The following PFKFB2 variants were observed in gnomAD, a reference collection of about 807,000 sequenced individuals.
PFKFB2 encodes 6-phosphofructo-2-kinase/fructose-2,6-bisphosphatase 2.
Under a neutral mutation model 68.0 loss-of-function variants are expected in PFKFB2, and 53 were observed. That is an observed-to-expected ratio of 0.78 (90% CI 0.63 to 0.98). The LOEUF (loss-of-function observed/expected upper bound fraction) is 0.98. PFKFB2 is among the 50% of genes least tolerant of loss of function. PFKFB2 has a pLI of 0.00. For synonymous variants in PFKFB2, 222 were observed against 227.6 expected (o/e 0.98, Z 0.22); for missense variants, 451 against 642.0 (o/e 0.70, Z 3.22).
At chr1:207,066,885 C>T (rs1683304198) in intron 8 of PFKFB2, among the ~76,000 whole-genome samples, 1 of 152,190 alleles carries the variant, frequency 6.6e-6, no homozygotes, top group African/African-American at 2.4e-5. Context: ...AACTCCTGAT[C>T]TCCTGATCTA....
Position 207,063,954 on chromosome 1 carries a change from T to C in PFKFB2, c.507+125T>C. 1.3e-6 allele frequency: 1 copy of C among 742,312 alleles called. No individual in the cohort carries two copies. The highest frequency in any genetic ancestry group is 2.4e-6 in the Non-Finnish European group (1 of 414,136). The allele number at this position is 742,312 out of a possible 1,614,324, so 46.0% of individuals were successfully genotyped here. A position where few individuals can be genotyped will look rare whatever the true frequency, so the allele number is the denominator to read the frequency against. ...GTGTTTTCGTAATGAAAGAGAGAAA[T>C]AGACATGTTTAACATCACAAAGAGA... On this transcript the variant is annotated intron_variant, in intron 7 of 14. Coordinates refer to ENST00000367080, the MANE Select transcript of PFKFB2 (RefSeq NM_006212.2). The surrounding 1 kb of genome is among the most constrained non-coding windows in gnomAD (Gnocchi z 4.1).
In PFKFB2 at chr1:207,076,033, G is replaced by A. The variant is rs1683613137; in HGVS notation, c.*3662G>A. The A allele has an allele frequency of 1.0e-6, 1 of 985,244 alleles. No homozygotes were observed. The highest frequency in any genetic ancestry group is 1.1e-4 in the East Asian group (1 of 8,818). 61.0% of individuals were successfully genotyped at this position (985,244 alleles called of 1,614,324 possible). ...GGATCTGCCCTATATCTTTGCCTCT[G>A]GTGTTTCGTTGTTGTTGTTATTGTT... On this transcript the variant is annotated 3_prime_UTR_variant, in exon 15 of 15. Coordinates refer to ENST00000367080, the MANE Select transcript of PFKFB2 (RefSeq NM_006212.2).
chr1:207,061,612 G>T (rs1683119072), intron 2 of PFKFB2, among the ~76,000 whole-genome samples: 1 of 152,112 alleles, frequency 6.6e-6, no homozygotes. Context: ...AGCGGGGCTG[G>T]GCGCCTCACG....
At chr1:207,071,300 G>T in intron 13 of PFKFB2, 50 bp downstream of exon 13, 1 of 1,486,998 alleles carries the variant, frequency 6.7e-7, no homozygotes, top group South Asian at 1.1e-5. Context: ...AGGAAGGTCA[G>T]AATTTTCTCT....
intron 7 of PFKFB2, among the ~76,000 whole-genome samples, chr1:207,064,398 C>T (rs1047284554): frequency 1.3e-4 from 20 of 149,980 alleles, no homozygotes; most frequent in African/African-American, 4.7e-4. Context: ...AGAGTGAGAA[C>T]ATGTCTCAAA....
chr1:207,052,707 G>C (rs1304525150), upstream of PFKFB2, among the ~76,000 whole-genome samples: 1 of 150,202 alleles, frequency 6.7e-6, no homozygotes, highest in Non-Finnish European at 1.5e-5. Flanking sequence ...GGGGTGTATG[G>C]GTGGGTCCAG....
At chr1:207,049,938 T>A (rs770678312), upstream of PFKFB2, among the ~76,000 whole-genome samples, 1 of 152,208 alleles carries the variant, frequency 6.6e-6, no homozygotes, top group African/African-American at 2.4e-5. Flanking sequence ...TGAGGTTGCA[T>A]CCCAATTTAG....
upstream of PFKFB2, among the ~76,000 whole-genome samples, chr1:207,050,486 C>A (rs1344701684): frequency 6.6e-6 from 1 of 152,196 alleles, no homozygotes. Flanking sequence ...GGTTCCCTTT[C>A]AACCCTGTGT....
intron 11 of PFKFB2, 52 bp downstream of exon 11, chr1:207,069,580 T>A: frequency 1.7e-6 from 2 of 1,150,246 alleles, no homozygotes; most frequent in Non-Finnish European, 2.6e-6. Context: ...GCTGAGTGTT[T>A]AACTTTAATT....
intron 1 of PFKFB2, among the ~76,000 whole-genome samples, chr1:207,054,441 G>A (rs902004476): frequency 2.0e-5 from 3 of 152,180 alleles, no homozygotes; most frequent in African/African-American, 7.2e-5. Context: ...CAAGATTATT[G>A]TTAGGACTGA....
chr1:207,062,863 G>T (rs573437545), intron 4 of PFKFB2, 147 bp downstream of exon 4: 3 of 816,630 alleles, frequency 3.7e-6, no homozygotes, highest in South Asian at 1.7e-5. Flanking sequence ...CCTTGGGCTT[G>T]GGTGGTCAGA....
chr1:207,059,518 G>A (rs554619412), intron 2 of PFKFB2, among the ~76,000 whole-genome samples: 1 of 152,284 alleles, frequency 6.6e-6, no homozygotes, highest in Non-Finnish European at 1.5e-5. Context: ...TGAGGCTTCA[G>A]GGTACAGTTT....
At chr1:207,055,641 TTATATA>T (rs34590725) in intron 2 of PFKFB2, among the ~76,000 whole-genome samples, 4 of 147,658 alleles carry the variant, frequency 2.7e-5, no homozygotes, top group Non-Finnish European at 6.0e-5. Context: ...ACTTCAGTGG[TTATATA>T]TATATATATA....
chr1:207,079,287 G>A (rs565206420), downstream of PFKFB2: 58 of 539,898 alleles, frequency 1.1e-4, no homozygotes, highest in Non-Finnish European at 1.7e-4. Context: ...GCTGAGTTTG[G>A]TCCAAGTTGG....
chr1:207,079,491 G>A (rs1397708413), downstream of PFKFB2: 1 of 154,336 alleles, frequency 6.5e-6, no homozygotes, highest in Non-Finnish European at 1.4e-5. Context: ...GTTACCATTT[G>A]CCACATTGGA....
intron 2 of PFKFB2, among the ~76,000 whole-genome samples, chr1:207,043,598 C>T (rs565593806): frequency 6.6e-6 from 1 of 152,152 alleles, no homozygotes; most frequent in African/African-American, 2.4e-5. Flanking sequence ...TTGTCAGCAA[C>T]AAATATTGAA....
intron 2 of PFKFB2, chr1:207,047,498 G>A (rs1037152903): frequency 2.6e-5 from 4 of 152,570 alleles, no homozygotes; most frequent in African/African-American, 9.6e-5. Flanking sequence ...GTATACCACT[G>A]AATTTCTAAG....
intron 2 of PFKFB2, among the ~76,000 whole-genome samples, chr1:207,058,678 A>G (rs1209792409): frequency 6.6e-6 from 1 of 152,154 alleles, no homozygotes; most frequent in Non-Finnish European, 1.5e-5. Context: ...TATTTTTAGT[A>G]GAGATAGTGT....
Position 207,062,469 on chromosome 1 carries a change from T to C in PFKFB2, c.212-151T>C. The stretch of plus-strand genomic sequence containing the variant: ...GAAAGTCAGGGCTTGAACCCAACTC[T>C]TTTGACTCTTAATCTGATATTGTTC... On this transcript the variant is annotated intron_variant, in intron 3 of 14. Transcript: ENST00000367080. 2.4e-6 allele frequency: 3 copies of C among 1,253,764 alleles called. No homozygotes were observed. In the East Asian group the frequency reaches 7.0e-5, roughly 29 times the overall value. The allele number at this position is 1,253,764 out of a possible 1,614,324, so 77.7% of individuals were successfully genotyped here.
Sources: allele counts gnomAD v4.1 joint callset (sites outside exome capture counted in the v4.1 genomes callset), GRCh38; gene constraint gnomAD v4.1.1; non-coding constraint Gnocchi (gnomAD v3.1); transcripts MANE v1.5; gene names NCBI Gene and HGNC (gene_info 2026-07-23, HGNC 2026-07-21).